DCAF5: variants seen among roughly 807,000 people sequenced by gnomAD.
DCAF5 encodes DDB1 and CUL4 associated factor 5.
A neutral mutation model predicts 80.7 loss-of-function variants in DCAF5; 9 were observed. The ratio of observed to expected loss-of-function variants is 0.11; its 90% CI spans 0.07 to 0.19. The LOEUF is 0.19. DCAF5 is among the 10% of genes least tolerant of loss of function. The pLI is 1.00. For missense variants in DCAF5, 842 were observed against 1,205.7 expected (o/e 0.70, Z 4.47); for synonymous variants, 433 against 461.9 (o/e 0.94, Z 0.80).
chr14:69,086,464 GAA>G, intron 6 of DCAF5, among the ~76,000 whole-genome samples: 1 of 146,732 alleles, frequency 6.8e-6, no homozygotes, highest in Non-Finnish European at 1.5e-5. Context: ...GCAAGGAGAT[GAA>G]AAAAAAAAGA....
At chr14:69,084,557 A>C in intron 6 of DCAF5, 1 of 755,642 alleles carries the variant, frequency 1.3e-6, no homozygotes, top group Non-Finnish European at 2.3e-6. Context: ...CGATAAAGCT[A>C]ATGCAACAGT....
rs759835754 is a variant in DCAF5 at position 69,062,521 on chromosome 14, C to T, written c.947-10G>A. 6 of 1,609,090 alleles carry T rather than the reference C, an allele frequency of 3.7e-6. No individual in the cohort carries two copies. ...ACCCTACCAATGCCACCTGGGAAAA[C>T]AGAAGGAAACAAAAATCAGATGATG... On this transcript the variant is annotated splice_polypyrimidine_tract_variant and intron_variant, in intron 7 of 8. Coordinates refer to ENST00000341516, the MANE Select transcript of DCAF5 (RefSeq NM_003861.3).
At chr14:69,101,872 C>T (rs1236477585) in intron 5 of DCAF5, among the ~76,000 whole-genome samples, 1 of 151,986 alleles carries the variant, frequency 6.6e-6, no homozygotes, top group African/African-American at 2.4e-5. Flanking sequence ...AGTAAAAATA[C>T]AGTATAAAAG....
At chr14:69,119,026 C>T in intron 3 of DCAF5, 168 bp downstream of exon 3, 1 of 630,812 alleles carries the variant, frequency 1.6e-6, no homozygotes, top group East Asian at 2.9e-5. Flanking sequence ...CTTTTTAAAT[C>T]AAAACTTTAT....
intron 1 of DCAF5, among the ~76,000 whole-genome samples, chr14:69,124,102 C>T (rs1278586734): frequency 2.0e-5 from 3 of 152,174 alleles, no homozygotes; most frequent in Admixed American, 6.5e-5. Context: ...GGCTCACTCC[C>T]TTAGCATAAT....
chr14:69,145,523 A>AT (rs2041510192), intron 1 of DCAF5, among the ~76,000 whole-genome samples: 2 of 152,230 alleles, frequency 1.3e-5, no homozygotes, highest in Non-Finnish European at 2.9e-5. Context: ...TAAAAAAAAA[A>AT]ATTTTAATTT....
At chr14:69,136,532 G>A (rs557667994) in intron 1 of DCAF5, among the ~76,000 whole-genome samples, 16 of 151,908 alleles carry the variant, frequency 1.1e-4, no homozygotes, top group South Asian at 4.2e-4. Context: ...CACTCTTCTC[G>A]CTATTTTTTT....
At chr14:69,075,543 G>T in intron 6 of DCAF5, 132 bp from the exon 7 acceptor site, 1 of 384,380 alleles carries the variant, frequency 2.6e-6, no homozygotes, top group Non-Finnish European at 4.0e-6. Flanking sequence ...ATACAGTGGT[G>T]CAATCTCGGC....
At chr14:69,087,955 T>C (rs995767935) in intron 6 of DCAF5, among the ~76,000 whole-genome samples, 1 of 152,232 alleles carries the variant, frequency 6.6e-6, no homozygotes, top group African/African-American at 2.4e-5. Context: ...TGCACAGATT[T>C]GTTTCATCTA....
At chr14:69,142,645 T>A (rs566362972) in intron 1 of DCAF5, among the ~76,000 whole-genome samples, 9 of 152,314 alleles carry the variant, frequency 5.9e-5, no homozygotes, top group Non-Finnish European at 8.8e-5. Flanking sequence ...TTACTAGCAC[T>A]CTCTGAGCAA....
At chr14:69,104,193 C>T (rs2140012890) in intron 5 of DCAF5, among the ~76,000 whole-genome samples, 1 of 152,168 alleles carries the variant, frequency 6.6e-6, no homozygotes, top group East Asian at 1.9e-4. Context: ...AGTGGCTATA[C>T]CATTACATAT....
chr14:69,081,187 T>G (rs1382402065), intron 6 of DCAF5, among the ~76,000 whole-genome samples: 1 of 152,202 alleles, frequency 6.6e-6, no homozygotes, highest in Non-Finnish European at 1.5e-5. Context: ...ACTTCATTCT[T>G]TCTAGATAAA....
chr14:69,148,540 C>A (rs1041380940), intron 1 of DCAF5, among the ~76,000 whole-genome samples: 3 of 151,988 alleles, frequency 2.0e-5, no homozygotes, highest in African/African-American at 7.3e-5. Context: ...ACTAAAAATA[C>A]AAAAATTAGC....
intron 1 of DCAF5, among the ~76,000 whole-genome samples, chr14:69,137,704 A>G (rs371367284): frequency 1.3e-5 from 2 of 152,320 alleles, no homozygotes; most frequent in Non-Finnish European, 2.9e-5. Context: ...GTTTCTTGCC[A>G]GTACAGTAAG....
Position 69,112,805 on chromosome 14 carries a change from A to G in DCAF5, c.665+3561T>C, listed in dbSNP as rs554658143. Reference sequence around the variant, plus strand: ...GTTAGTTATTATTTATTATTATGAGACACTGAGAGGTGAAGTAACTTATTC... The same window carrying G: ...GTTAGTTATTATTTATTATTATGAGGCACTGAGAGGTGAAGTAACTTATTC... On this transcript the variant is annotated intron_variant, in intron 5 of 8. Coordinates refer to ENST00000341516, the MANE Select transcript of DCAF5 (RefSeq NM_003861.3). Among the ~76,000 whole-genome samples, 269 of 152,262 alleles carry G rather than the reference A, an allele frequency of 1.8e-3. 1 individual carries two copies. The highest frequency in any genetic ancestry group is 6.2e-3 in the African/African-American group (258 of 41,548).
rs1380524030 is a variant in DCAF5, at chr14:69,051,403, CA to C, written c.*2453del. ...GTTTCCAGACCCACAACCATAGACA[CA>C]AAATCTCTGGAGATGAGGGTGGAGC... is the stretch of plus-strand genomic sequence containing the variant. On this transcript the variant is annotated 3_prime_UTR_variant, in exon 9 of 9. Coordinates refer to ENST00000341516, the MANE Select transcript of DCAF5 (RefSeq NM_003861.3). The C allele has an allele frequency of 6.6e-6, 1 of 152,340 alleles. No individual in the cohort carries two copies. The highest frequency in any genetic ancestry group is 1.5e-5 in the Non-Finnish European group (1 of 68,042). The allele number at this position is 152,340 out of a possible 1,614,324, so 9.4% of individuals were successfully genotyped here.
At chr14:69,095,293 T>C (rs1390882398) in intron 5 of DCAF5, among the ~76,000 whole-genome samples, 1 of 152,182 alleles carries the variant, frequency 6.6e-6, no homozygotes, top group Non-Finnish European at 1.5e-5. Flanking sequence ...GAGCAATATA[T>C]TGAAAGAACT....
At chr14:69,094,228 A>C (rs1314644161) in intron 5 of DCAF5, among the ~76,000 whole-genome samples, 1 of 152,168 alleles carries the variant, frequency 6.6e-6, no homozygotes. Flanking sequence ...GGCCTCTGGC[A>C]AACACCCTTT....
Position 69,118,107 on chromosome 14 carries a change from C to T in DCAF5, c.535+32G>A, listed in dbSNP as rs2040596382. ...GAATCTGACATCAAACTGTTCAACA[C>T]AGTCCAACAGTCATTTGCACAGTGA... On this transcript the variant is annotated intron_variant, in intron 4 of 8. Coordinates refer to ENST00000341516, the MANE Select transcript of DCAF5 (RefSeq NM_003861.3). The surrounding 1 kb of genome is among the most constrained non-coding windows in gnomAD (Gnocchi z 4.0). 5 of 1,612,218 alleles carry T rather than the reference C, an allele frequency of 3.1e-6. No homozygotes were observed. In the South Asian group the frequency reaches 5.5e-5, roughly 18 times the overall value.
Sources: gnomAD v4.1 joint callset for allele counts (sites outside exome capture counted in the v4.1 genomes callset) on GRCh38, gnomAD v4.1.1 for gene constraint, Gnocchi (gnomAD v3.1) non-coding constraint, MANE v1.5 for transcripts, NCBI Gene and HGNC (gene_info 2026-07-23, HGNC 2026-07-21) for gene names.